The following CTNNA3 variants were observed in gnomAD, a reference collection of about 807,000 sequenced individuals.
The protein encoded by CTNNA3 is catenin alpha 3, also known as catenin alpha-3.
CTNNA3 carries 76 observed loss-of-function variants against 95.7 expected under a neutral mutation model. That is an observed-to-expected ratio of 0.79 (90% CI 0.66 to 0.96). The LOEUF (loss-of-function observed/expected upper bound fraction) is 0.96, where lower values mean the gene tolerates loss of function less well. Among genes scored for constraint, CTNNA3 ranks in the 40% least tolerant of loss-of-function variants. The pLI is 0.00. For synonymous variants in CTNNA3, 431 were observed against 374.4 expected (o/e 1.15, Z -1.74); for missense variants, 1,191 against 1,089.8 (o/e 1.09, Z -1.31).
chr10:66,213,793 G>C (rs749799138), intron 13 of CTNNA3, among the ~76,000 whole-genome samples: 1 of 152,156 alleles, frequency 6.6e-6, no homozygotes, highest in Admixed American at 6.6e-5. Flanking sequence ...TGCGTTTAAT[G>C]TGTAAGAAAG....
intron 7 of CTNNA3, among the ~76,000 whole-genome samples, chr10:66,900,677 C>T (rs563210772): frequency 2.6e-5 from 4 of 152,054 alleles, no homozygotes; most frequent in Non-Finnish European, 4.4e-5. Flanking sequence ...GTAGAGAAGA[C>T]CTTCAATGGC....
chr10:66,071,718 C>A (rs2080437840), intron 14 of CTNNA3, among the ~76,000 whole-genome samples: 1 of 152,088 alleles, frequency 6.6e-6, no homozygotes, highest in African/African-American at 2.4e-5. Context: ...AAATTATATA[C>A]CATGATCTTT....
rs535381438 is a variant in CTNNA3, at chr10:66,371,305, C to T, written c.1732+7847G>A. Among the ~76,000 whole-genome samples the T allele has an allele frequency of 2.0e-5, 3 of 152,226 alleles. No individual in the cohort carries two copies. The South Asian group carries it at 6.2e-4, about 32-fold the overall frequency. On this transcript the variant is annotated intron_variant, in intron 12 of 17. Transcript: ENST00000433211. ...AGACTCCTTTATACTTTTACATATA[C>T]AGCAAAACAAACATTATTTTATGAA...
intron 13 of CTNNA3, among the ~76,000 whole-genome samples, chr10:66,246,484 C>G (rs2090331166): frequency 6.6e-6 from 1 of 152,064 alleles, no homozygotes; most frequent in African/African-American, 2.4e-5. Context: ...GAATGCAGCC[C>G]TGGCCATGCC....
At chr10:67,333,445 T>C (rs972218356) in intron 5 of CTNNA3, among the ~76,000 whole-genome samples, 13 of 152,248 alleles carry the variant, frequency 8.5e-5, no homozygotes, top group Admixed American at 3.9e-4. Context: ...TTTATATACA[T>C]AATATCATCA....
intron 10 of CTNNA3, among the ~76,000 whole-genome samples, chr10:66,577,441 AG>A (rs1843041683): frequency 6.6e-6 from 1 of 152,062 alleles, no homozygotes. Context: ...GTTTTCTTCT[AG>A]GGTTTTTATT....
chr10:66,830,998 G>T (rs1159613724), intron 7 of CTNNA3, among the ~76,000 whole-genome samples: 1 of 152,122 alleles, frequency 6.6e-6, no homozygotes, highest in Non-Finnish European at 1.5e-5. Flanking sequence ...GTTTTTAAAT[G>T]ACAGCTTTAA....
chr10:67,445,856 G>A (rs1170896300), intron 5 of CTNNA3, among the ~76,000 whole-genome samples: 1 of 152,106 alleles, frequency 6.6e-6, no homozygotes, highest in Admixed American at 6.5e-5. Context: ...ATCTTGCACT[G>A]CAATAACCCA....
At chr10:66,277,658 A>G (rs564552136) in intron 13 of CTNNA3, among the ~76,000 whole-genome samples, 1 of 152,228 alleles carries the variant, frequency 6.6e-6, no homozygotes, top group African/African-American at 2.4e-5. Flanking sequence ...TTTTCCAAGG[A>G]ATCCCTGTAG....
chr10:66,420,838 TA>T (rs71466875), intron 11 of CTNNA3, among the ~76,000 whole-genome samples: 4,640 of 82,928 alleles, frequency 0.056, 282 homozygotes, highest in African/African-American at 0.18. Flanking sequence ...AATAAATAAA[TA>T]AAAAACAATA....
At position 67,080,933 on chromosome 10, in the gene CTNNA3, CAACA is replaced by C. The variant is rs1564878138; in HGVS notation, c.1047+99380_1047+99383del. On this transcript the variant is annotated intron_variant, in intron 7 of 17. Coordinates refer to ENST00000433211, the MANE Select transcript of CTNNA3 (RefSeq NM_013266.4). Reference sequence around the variant, plus strand: ...GAAAAAAAACAAAAAAACAAAAAAACAACAAAAAAAAAAAAACAAAGAAGAGGTG... The same window carrying C: ...GAAAAAAAACAAAAAAACAAAAAAACAAAAAAAAAAAACAAAGAAGAGGTG... Among the ~76,000 whole-genome samples the C allele has an allele frequency of 4.1e-3, 580 of 142,028 alleles. 2 individuals are homozygous for C. Among genetic ancestry groups the C allele is most frequent in the African/African-American group, 7.1e-3 (271 of 37,950 alleles). 93.2% of individuals were successfully genotyped at this position (142,028 alleles called of 152,430 possible). A position where few individuals can be genotyped will look rare whatever the true frequency, so the allele number is the denominator to read the frequency against.
At chr10:67,365,984 C>A (rs1034017578) in intron 5 of CTNNA3, among the ~76,000 whole-genome samples, 2 of 152,188 alleles carry the variant, frequency 1.3e-5, no homozygotes, top group African/African-American at 4.8e-5. Flanking sequence ...CCCAAATGTC[C>A]AACAATGATA....
intron 7 of CTNNA3, among the ~76,000 whole-genome samples, chr10:67,100,308 C>A (rs1039791187): frequency 2.6e-5 from 4 of 151,632 alleles, no homozygotes. Context: ...CCAAATACGC[C>A]AGGAATTTTG....
At chr10:66,339,788 G>C (rs1420042510) in intron 12 of CTNNA3, among the ~76,000 whole-genome samples, 1 of 151,720 alleles carries the variant, frequency 6.6e-6, no homozygotes, top group Non-Finnish European at 1.5e-5. Flanking sequence ...GTTAATTCTA[G>C]TAACTAGACT....
intron 12 of CTNNA3, among the ~76,000 whole-genome samples, chr10:66,367,909 T>TAAAAGAATA (rs2092725176): frequency 8.5e-6 from 1 of 118,036 alleles, no homozygotes. Context: ...ATTATTATTA[T>TAAAAGAATA]TATTATTATT....
chr10:67,321,313 C>G (rs941391600), intron 5 of CTNNA3, among the ~76,000 whole-genome samples: 2 of 152,200 alleles, frequency 1.3e-5, no homozygotes, highest in Non-Finnish European at 2.9e-5. Flanking sequence ...AACATTCTAA[C>G]TTCTTTACAC....
chr10:66,523,838 A>G (rs1475584850), intron 10 of CTNNA3, among the ~76,000 whole-genome samples: 1 of 152,130 alleles, frequency 6.6e-6, no homozygotes, highest in Non-Finnish European at 1.5e-5. Flanking sequence ...TCAAATGCCG[A>G]AGTGATCATG....
chr10:67,528,141 C>G (rs984253699), intron 4 of CTNNA3, among the ~76,000 whole-genome samples: 1 of 152,164 alleles, frequency 6.6e-6, no homozygotes, highest in African/African-American at 2.4e-5. Flanking sequence ...AAAAAGACTG[C>G]ATTGGCACGG....
At chr10:65,931,754 C>T (rs969309945) in intron 17 of CTNNA3, among the ~76,000 whole-genome samples, 4 of 152,322 alleles carry the variant, frequency 2.6e-5, no homozygotes, top group Admixed American at 6.5e-5. Context: ...AAAACACAAA[C>T]AATCTTCCAG....
Sources: allele counts gnomAD v4.1 joint callset (sites outside exome capture counted in the v4.1 genomes callset), GRCh38; gene constraint gnomAD v4.1.1; transcripts MANE v1.5; gene names NCBI Gene and HGNC (gene_info 2026-07-23, HGNC 2026-07-21).